Variants in CATSPERT observed in about 807,000 individuals in gnomAD.
CATSPERT encodes catsper channel auxiliary subunit tau.
the CATSPERT span, among the ~76,000 whole-genome samples, chr2:201,544,920 C>T: frequency 6.6e-6 from 1 of 151,780 alleles, no homozygotes; most frequent in Non-Finnish European, 1.5e-5. Flanking sequence ...CTGATTGAAC[C>T]CAGGAGGTCA....
chr2:201,521,100 A>G, the CATSPERT span, among the ~76,000 whole-genome samples: 1 of 152,054 alleles, frequency 6.6e-6, no homozygotes, highest in Non-Finnish European at 1.5e-5. Context: ...AGACTGAATT[A>G]GTAATAAAAC....
At chr2:201,601,794 T>G in the CATSPERT span, 2 of 1,611,710 alleles carry the variant, frequency 1.2e-6, no homozygotes, top group Middle Eastern at 1.7e-4. Context: ...CTTCTCATCG[T>G]TTTTGGATAG....
the CATSPERT span, among the ~76,000 whole-genome samples, chr2:201,600,877 G>A: frequency 1.7e-3 from 251 of 151,718 alleles, 1 homozygote; most frequent in African/African-American, 5.6e-3. Context: ...TCAGCCTCCC[G>A]AGTAGCTGGG....
the CATSPERT span, among the ~76,000 whole-genome samples, chr2:201,546,689 G>C: frequency 6.6e-6 from 1 of 152,114 alleles, no homozygotes; most frequent in African/African-American, 2.4e-5. Context: ...AATGTACGAT[G>C]ATGCAGCTGC....
chr2:201,535,329 C>G, the CATSPERT span: 1 of 982,554 alleles, frequency 1.0e-6, no homozygotes, highest in Non-Finnish European at 1.2e-6. Flanking sequence ...TCTTTTTATA[C>G]CATTTGATGA....
At chr2:201,540,900 G>A in the CATSPERT span, among the ~76,000 whole-genome samples, 2 of 152,162 alleles carry the variant, frequency 1.3e-5, no homozygotes, top group South Asian at 2.1e-4. Context: ...CATTCTAGAT[G>A]CCATTAAGGA....
chr2:201,583,289 C>T, the CATSPERT span, among the ~76,000 whole-genome samples: 3 of 152,172 alleles, frequency 2.0e-5, no homozygotes, highest in Non-Finnish European at 4.4e-5. Context: ...ACCATCCTCC[C>T]AGAAAGCTGA....
chr2:201,559,433 C>T, the CATSPERT span, among the ~76,000 whole-genome samples: 1,434 of 152,332 alleles, frequency 9.4e-3, 4 homozygotes, highest in Non-Finnish European at 0.014. Flanking sequence ...AACATCCCTA[C>T]GGGCTGCCCC....
chr2:201,535,461 A>C, the CATSPERT span: 1 of 945,576 alleles, frequency 1.1e-6, no homozygotes, highest in Admixed American at 6.2e-5. Context: ...TTAAACTATA[A>C]AATTATTTGT....
chr2:201,570,281 A>G, the CATSPERT span, among the ~76,000 whole-genome samples: 1 of 152,266 alleles, frequency 6.6e-6, no homozygotes, highest in South Asian at 2.1e-4. Context: ...CTTAATATCC[A>G]TCCCTATACA....
chr2:201,536,359 A>T, the CATSPERT span: 1 of 1,537,108 alleles, frequency 6.5e-7, no homozygotes, highest in Non-Finnish European at 8.7e-7. Flanking sequence ...CCAGTTAATC[A>T]TTATTGACTG....
At chr2:201,543,162 A>C in the CATSPERT span, among the ~76,000 whole-genome samples, 1 of 152,168 alleles carries the variant, frequency 6.6e-6, no homozygotes, top group African/African-American at 2.4e-5. Context: ...TCAGTTCATC[A>C]CATTTGCATG....
chr2:201,573,267 T>A, the CATSPERT span, among the ~76,000 whole-genome samples: 1 of 151,990 alleles, frequency 6.6e-6, no homozygotes, highest in Non-Finnish European at 1.5e-5. Context: ...GGACCTATGG[T>A]AGTGAATTTA....
chr2:201,536,284 G>T, the CATSPERT span: 1 of 1,611,792 alleles, frequency 6.2e-7, no homozygotes, highest in Non-Finnish European at 8.5e-7. Context: ...TTCAAAGTTG[G>T]TATAGTCAGG....
chr2:201,574,326 G>A, the CATSPERT span: 69 of 1,460,902 alleles, frequency 4.7e-5, 1 homozygote, highest in Middle Eastern at 3.7e-4. Flanking sequence ...TATTTTAATG[G>A]AGAAGGGACA....
At chr2:201,492,535 C>T in the CATSPERT span, 8 of 1,535,784 alleles carry the variant, frequency 5.2e-6, no homozygotes, top group Admixed American at 2.0e-5. Flanking sequence ...TATTGAGACA[C>T]TTTTAGTCCT....
chr2:201,605,870 G>T, the CATSPERT span, among the ~76,000 whole-genome samples: 1 of 152,232 alleles, frequency 6.6e-6, no homozygotes, highest in South Asian at 2.1e-4. Context: ...AAGAAAAAAT[G>T]AAATGAGTGT....
At chr2:201,582,248 A>C in the CATSPERT span, 1 of 1,564,546 alleles carries the variant, frequency 6.4e-7, no homozygotes, top group Non-Finnish European at 8.6e-7. Flanking sequence ...GAAAAGAAGC[A>C]TTAAATTTGA....
the CATSPERT span, among the ~76,000 whole-genome samples, chr2:201,608,366 G>C: frequency 6.6e-6 from 1 of 152,236 alleles, no homozygotes; most frequent in South Asian, 2.1e-4. Flanking sequence ...TGATAATAAT[G>C]TGTATACACT....
Sources: allele counts gnomAD v4.1 joint callset (sites outside exome capture counted in the v4.1 genomes callset), GRCh38; gene constraint gnomAD v4.1.1; transcripts MANE v1.5; gene names NCBI Gene and HGNC (gene_info 2026-07-23, HGNC 2026-07-21).